The following TAOK3 variants were observed in gnomAD, a reference collection of about 807,000 sequenced individuals.
TAOK3 encodes serine/threonine-protein kinase TAO3.
TAOK3 carries 40 observed loss-of-function variants against 120.4 expected under a neutral mutation model. The observed-to-expected ratio is 0.33, with a 90% CI of 0.26 to 0.43. TAOK3 has a LOEUF of 0.43. TAOK3 is among the 20% of genes least tolerant of loss of function. The probability of loss-of-function intolerance (pLI) is 1.00; values close to 1 mark genes in which losing one functional copy is unlikely to be tolerated. For synonymous variants in TAOK3, 355 were observed against 387.5 expected (o/e 0.92, Z 0.99); for missense variants, 821 against 1,112.1 (o/e 0.74, Z 3.72).
intron 9 of TAOK3, among the ~76,000 whole-genome samples, chr12:118,224,193 A>T (rs1442229134): frequency 6.6e-6 from 1 of 152,204 alleles, no homozygotes; most frequent in Admixed American, 6.5e-5. Flanking sequence ...ATTTCAACCC[A>T]ATCCTATGAG....
intron 9 of TAOK3, among the ~76,000 whole-genome samples, chr12:118,217,246 C>T (rs1415949601): frequency 6.6e-6 from 1 of 152,112 alleles, no homozygotes; most frequent in African/African-American, 2.4e-5. Flanking sequence ...AAACACAAAA[C>T]AAGAAACCAG....
chr12:118,252,710 C>A (rs77441113), intron 3 of TAOK3, among the ~76,000 whole-genome samples: 1 of 150,560 alleles, frequency 6.6e-6, no homozygotes, highest in Non-Finnish European at 1.5e-5. Context: ...AAATTAGCAC[C>A]CTTTTTTCTT....
At chr12:118,201,487 TAA>T (rs1298158726) in intron 11 of TAOK3, 24 bp from the exon 12 acceptor site, 2 of 1,589,798 alleles carry the variant, frequency 1.3e-6, no homozygotes, top group Non-Finnish European at 1.7e-6. Flanking sequence ...GAGGAAAAAA[TAA>T]ACTGATAATG....
chr12:118,187,418 T>G (rs1341058183), intron 14 of TAOK3, among the ~76,000 whole-genome samples: 1 of 152,150 alleles, frequency 6.6e-6, no homozygotes, highest in African/African-American at 2.4e-5. Context: ...TTTTAAAAAT[T>G]AAATATTTTA....
chr12:118,160,261 G>A lies in TAOK3; in HGVS notation c.2237C>T (p.Pro746Leu). 1 of 1,614,068 alleles carries A rather than the reference G, an allele frequency of 6.2e-7. No homozygotes were observed. The highest frequency in any genetic ancestry group is 1.1e-5 in the South Asian group (1 of 91,068). Residue 746 changes from proline (P) to leucine (L), a missense_variant, in exon 19 of 21, where the codon CCA becomes CTA. By Grantham distance (98) the Pro-to-Leu change is moderately conservative. This residue lies in a region of TAOK3 where 354 missense variants were observed against 572.1 expected (regional missense o/e 0.62). Coordinates refer to ENST00000392533, the MANE Select transcript of TAOK3 (RefSeq NM_016281.4). This position sits in a 1 kb window ranked among gnomAD's most constrained non-coding sequence, Gnocchi z 4.2. ...ALKNHQLEVTPKNEHKTILKT... is the reference protein window; with the variant it reads ...ALKNHQLEVTLKNEHKTILKT... ...TAAGATTGTTTTGTGCTCATTCTTTGGAGTAACTTCCAACTGGTGATTCTT... is the reference window on the plus strand; with the variant it reads ...TAAGATTGTTTTGTGCTCATTCTTTAGAGTAACTTCCAACTGGTGATTCTT...
At chr12:118,238,635 A>ATTT (rs72180783) in intron 6 of TAOK3, among the ~76,000 whole-genome samples, 1 of 144,118 alleles carries the variant, frequency 6.9e-6, no homozygotes, top group Non-Finnish European at 1.5e-5. Context: ...CAGTGATTTA[A>ATTT]TTTTTTTTTT....
intron 9 of TAOK3, among the ~76,000 whole-genome samples, chr12:118,230,468 T>C (rs910781435): frequency 2.4e-5 from 3 of 123,018 alleles, no homozygotes; most frequent in South Asian, 3.1e-4. Flanking sequence ...GTGTTTTTTT[T>C]TTTTTTTTTT....
chr12:118,251,578 A>C (rs1325798048), intron 3 of TAOK3, among the ~76,000 whole-genome samples: 1 of 152,198 alleles, frequency 6.6e-6, no homozygotes, highest in Non-Finnish European at 1.5e-5. Context: ...ACTGTAAATG[A>C]GATCGTGCCA....
At chr12:118,307,549 G>A (rs970556458) in intron 1 of TAOK3, among the ~76,000 whole-genome samples, 4 of 152,118 alleles carry the variant, frequency 2.6e-5, no homozygotes, top group African/African-American at 9.7e-5. Context: ...TTATTAGGTC[G>A]CAATGGGAAA....
chr12:118,245,014 G>T, intron 3 of TAOK3, 49 bp from the exon 4 acceptor site: 2 of 1,292,344 alleles, frequency 1.5e-6, no homozygotes, highest in Non-Finnish European at 1.1e-6. Flanking sequence ...TGATGTTTCA[G>T]CCAATTTAAC....
chr12:118,215,067 G>C (rs745917958), intron 9 of TAOK3, among the ~76,000 whole-genome samples: 1 of 151,000 alleles, frequency 6.6e-6, no homozygotes, highest in Non-Finnish European at 1.5e-5. Context: ...TTTTAGTAGA[G>C]AGGGGGTTTC....
At chr12:118,309,715 C>T (rs1188347649) in intron 1 of TAOK3, among the ~76,000 whole-genome samples, 1 of 151,854 alleles carries the variant, frequency 6.6e-6, no homozygotes, top group East Asian at 2.0e-4. Context: ...GGGGTTTCAC[C>T]ATGTTGGCCA....
At position 118,371,880 on chromosome 12, in the gene TAOK3, T is replaced by TG. The variant is rs1191530144; in HGVS notation, c.-194+767dup. Among the ~76,000 whole-genome samples, 1 of 151,872 alleles carries TG rather than the reference T, an allele frequency of 6.6e-6. No individual in the cohort carries two copies. Among genetic ancestry groups the TG allele is most frequent in the Non-Finnish European group, 1.5e-5 (1 of 67,898 alleles). ...CTCGCATGCGCTGTCCCGAGCCCTC[T>TG]GGGGGTCCCCTCCTCTCACCCCGCT... is the stretch of plus-strand genomic sequence containing the variant. On this transcript the variant is annotated intron_variant, in intron 1 of 20. Coordinates refer to ENST00000392533, the MANE Select transcript of TAOK3 (RefSeq NM_016281.4). This position sits in a 1 kb window ranked among gnomAD's most constrained non-coding sequence, Gnocchi z 5.5.
In TAOK3 at chr12:118,327,631, T is replaced by C. The variant is rs556485086; in HGVS notation, c.-194+45017A>G. Among the ~76,000 whole-genome samples, 20 of 152,306 alleles carry C rather than the reference T, an allele frequency of 1.3e-4. No individual in the cohort carries two copies. The South Asian group carries it at 4.1e-3, about 32-fold the overall frequency. ...GGAGACTGGTTCTCAAACTCAAGTT[T>C]CCTTTCTGGCAGAAGAAGAACTTCT... On this transcript the variant is annotated intron_variant, in intron 1 of 20. Transcript: ENST00000392533.
intron 14 of TAOK3, among the ~76,000 whole-genome samples, chr12:118,182,780 A>G (rs2036845176): frequency 1.3e-5 from 2 of 151,724 alleles, no homozygotes; most frequent in African/African-American, 4.8e-5. Flanking sequence ...TACAAAAGAA[A>G]TGTTACCAAA....
intron 1 of TAOK3, among the ~76,000 whole-genome samples, chr12:118,335,886 T>C (rs1012914816): frequency 2.0e-5 from 3 of 152,206 alleles, no homozygotes; most frequent in African/African-American, 7.2e-5. Context: ...AATGCTTAGA[T>C]ATAAACTTTA....
At chr12:118,185,496 A>G (rs1278670488) in intron 14 of TAOK3, among the ~76,000 whole-genome samples, 1 of 152,228 alleles carries the variant, frequency 6.6e-6, no homozygotes, top group Non-Finnish European at 1.5e-5. Flanking sequence ...AAAATGATGC[A>G]TATGATAAAA....
intron 11 of TAOK3, among the ~76,000 whole-genome samples, chr12:118,207,299 A>G (rs11068870): frequency 1.3e-5 from 2 of 149,974 alleles, no homozygotes; most frequent in Non-Finnish European, 3.0e-5. Context: ...GCACTCCAGC[A>G]TGGGCAACAA....
At chr12:118,208,670 T>C (rs2038462767) in intron 11 of TAOK3, among the ~76,000 whole-genome samples, 1 of 152,150 alleles carries the variant, frequency 6.6e-6, no homozygotes, top group South Asian at 2.1e-4. Context: ...AAAATCCACA[T>C]TGATGAGCAA....
Sources: allele counts gnomAD v4.1 joint callset (sites outside exome capture counted in the v4.1 genomes callset), GRCh38; gene constraint gnomAD v4.1.1; regional missense constraint gnomAD v4.1.1; non-coding constraint Gnocchi (gnomAD v3.1); transcripts MANE v1.5; gene names NCBI Gene and HGNC (gene_info 2026-07-23, HGNC 2026-07-21).